PPP1R9A: variants seen among roughly 807,000 people sequenced by gnomAD.
PPP1R9A encodes protein phosphatase 1 regulatory subunit 9A, also known as neurabin-1.
Under a neutral mutation model 141.9 loss-of-function variants are expected in PPP1R9A, and 59 were observed. The observed-to-expected ratio is 0.42, with a 90% confidence interval of 0.34 to 0.52. The LOEUF (loss-of-function observed/expected upper bound fraction) is 0.52, where lower values mean the gene tolerates loss of function less well. Ranked by LOEUF, PPP1R9A falls within the 20% of genes least tolerant of loss-of-function variation. The pLI is 0.10. For synonymous variants in PPP1R9A, 500 were observed against 569.7 expected, an observed-to-expected ratio of 0.88 and a Z score of 1.74; for missense variants, 1,444 against 1,611.9, an observed-to-expected ratio of 0.90 and a Z score of 1.78.
At position 94,969,769 on chromosome 7, in the gene PPP1R9A, C is replaced by G. The variant is rs530818429; in HGVS notation, c.1395+58261C>G. Among the ~76,000 whole-genome samples the G allele has an allele frequency of 3.8e-4, 58 of 152,290 alleles. 1 individual carries two copies. In the South Asian group the frequency reaches 0.012, roughly 31 times the overall value. ...AGAGCCACCCTTTCCCCCAGGTGCTCTGTCCCAAGGAGATGGGAGTTTTAT... is the reference window on the plus strand; with the variant it reads ...AGAGCCACCCTTTCCCCCAGGTGCTGTGTCCCAAGGAGATGGGAGTTTTAT... On this transcript the variant is annotated intron_variant, in intron 2 of 19. Transcript: ENST00000433360.
chr7:95,250,249 A>C lies in PPP1R9A; in HGVS notation c.2390A>C (p.Gln797Pro). ...GCAAAGAAGTTGATCAAGGATTTTC[A>C]ACAAAAGTAAGCCGCTTCTAATAAC... ...NKAKKLIKDFQQKELDFIKRQ... is the reference protein window; with the variant it reads ...NKAKKLIKDFPQKELDFIKRQ... Residue 797 changes from glutamine to proline, a missense_variant, in exon 10 of 20, where the codon CAA (glutamine) becomes CCA (proline). Physicochemically the swap from Gln to Pro is moderately conservative, Grantham distance 76. This residue lies in a region of PPP1R9A where 488 missense variants were observed against 542.0 expected (regional missense o/e 0.90). Transcript: ENST00000433360. 6.2e-7 allele frequency: 1 copy of C among 1,603,880 alleles called. No homozygotes were observed. The highest frequency in any genetic ancestry group is 8.5e-7 in the Non-Finnish European group (1 of 1,176,858).
At chr7:95,214,382 C>T (rs1349372661) in intron 7 of PPP1R9A, 1 of 152,224 alleles carries the variant, frequency 6.6e-6, no homozygotes, top group Non-Finnish European at 1.5e-5. Context: ...GGCCTCAGGT[C>T]CTCACTGGCT....
chr7:95,185,399 T>C (rs1834503161), intron 5 of PPP1R9A, among the ~76,000 whole-genome samples: 1 of 151,770 alleles, frequency 6.6e-6, no homozygotes, highest in Non-Finnish European at 1.5e-5. Context: ...GTCTTACTGA[T>C]TGGCATTCTC....
intron 2 of PPP1R9A, among the ~76,000 whole-genome samples, chr7:95,097,184 C>T (rs1298219495): frequency 1.3e-5 from 2 of 152,112 alleles, no homozygotes; most frequent in Non-Finnish European, 2.9e-5. Flanking sequence ...CCACTACGCC[C>T]AGCTAATTTT....
chr7:95,002,250 ATATTATAGAT>A (rs1803038492), intron 2 of PPP1R9A, among the ~76,000 whole-genome samples: 1 of 152,192 alleles, frequency 6.6e-6, no homozygotes, highest in African/African-American at 2.4e-5. Context: ...AAAAATTGTA[ATATTATAGAT>A]TAGGATTTAT....
At chr7:95,213,377 T>C (rs888614199) in intron 7 of PPP1R9A, among the ~76,000 whole-genome samples, 2 of 147,120 alleles carry the variant, frequency 1.4e-5, no homozygotes, top group African/African-American at 2.5e-5. Flanking sequence ...CTACAGCACA[T>C]TGATGCAATC....
At chr7:94,930,787 G>A (rs1794062514) in intron 2 of PPP1R9A, among the ~76,000 whole-genome samples, 1 of 152,106 alleles carries the variant, frequency 6.6e-6, no homozygotes, top group Admixed American at 6.6e-5. Flanking sequence ...ATAGAGACTT[G>A]CATTTATTTC....
intron 4 of PPP1R9A, among the ~76,000 whole-genome samples, chr7:95,129,686 A>G (rs1223136028): frequency 6.6e-6 from 1 of 152,214 alleles, no homozygotes; most frequent in Non-Finnish European, 1.5e-5. Context: ...GCTTTGACCA[A>G]AATGCTGATA....
intron 4 of PPP1R9A, among the ~76,000 whole-genome samples, chr7:95,125,672 CGTT>C (rs1823434507): frequency 6.6e-6 from 1 of 152,136 alleles, no homozygotes; most frequent in Admixed American, 6.5e-5. Context: ...TTTGGACACA[CGTT>C]GTTTTTGGGT....
intron 2 of PPP1R9A, among the ~76,000 whole-genome samples, chr7:94,965,648 G>A (rs748502739): frequency 2.0e-5 from 3 of 152,092 alleles, no homozygotes; most frequent in Admixed American, 6.6e-5. Flanking sequence ...CATTATTTCC[G>A]AGGCCTCTGT....
chr7:95,030,864 C>T (rs1163852757), intron 2 of PPP1R9A, among the ~76,000 whole-genome samples: 1 of 152,182 alleles, frequency 6.6e-6, no homozygotes, highest in African/African-American at 2.4e-5. Context: ...ACCTATGTGG[C>T]ATAGGCACCA....
chr7:95,258,394 T>A (rs1157712190), intron 12 of PPP1R9A, among the ~76,000 whole-genome samples: 1 of 152,176 alleles, frequency 6.6e-6, no homozygotes, highest in African/African-American at 2.4e-5. Context: ...TTTGTTTGAG[T>A]TCATTGTAGA....
chr7:94,995,589 GTTAATC>G, intron 2 of PPP1R9A, among the ~76,000 whole-genome samples: 1 of 151,576 alleles, frequency 6.6e-6, no homozygotes, highest in South Asian at 2.1e-4. Flanking sequence ...GTACTCTACT[GTTAATC>G]TTATTCAGCA....
rs368512359 is a variant in PPP1R9A, at chr7:95,218,069, T to G, written c.1957-7892T>G. The stretch of plus-strand genomic sequence containing the variant: ...TTCTTTTAATTGTGATGTTAGGGTG[T>G]CAATTTTCTATCTTTCCTGCTTTCT... On this transcript the variant is annotated intron_variant, in intron 7 of 19. Coordinates refer to ENST00000433360, the MANE Select transcript of PPP1R9A (RefSeq NM_001166160.2). Among the ~76,000 whole-genome samples, 23 of 152,336 alleles carry G rather than the reference T, an allele frequency of 1.5e-4. No homozygotes were observed. The East Asian group carries it at 3.3e-3, about 22-fold the overall frequency.
chr7:95,051,931 C>T (rs899592999), intron 2 of PPP1R9A, among the ~76,000 whole-genome samples: 5 of 151,566 alleles, frequency 3.3e-5, no homozygotes, highest in African/African-American at 7.3e-5. Flanking sequence ...CCTCCTCCTC[C>T]AGGGTTCAAG....
chr7:94,999,975 G>A (rs929942399), intron 2 of PPP1R9A, among the ~76,000 whole-genome samples: 3 of 151,942 alleles, frequency 2.0e-5, no homozygotes, highest in Non-Finnish European at 4.4e-5. Context: ...CTAATTTTTT[G>A]TATTTTTAGT....
At chr7:94,999,821 A>ATT (rs3045824) in intron 2 of PPP1R9A, among the ~76,000 whole-genome samples, 8 of 151,086 alleles carry the variant, frequency 5.3e-5, no homozygotes, top group South Asian at 2.1e-4. Flanking sequence ...TTATTTATTT[A>ATT]GATAGAGTCT....
At chr7:95,228,539 T>TA (rs1475845989) in intron 8 of PPP1R9A, among the ~76,000 whole-genome samples, 1 of 152,200 alleles carries the variant, frequency 6.6e-6, no homozygotes, top group Non-Finnish European at 1.5e-5. Flanking sequence ...TATGGCTTCA[T>TA]AGTCTGCTCC....
chr7:94,911,614 C>T (rs1243300397), intron 2 of PPP1R9A, 106 bp downstream of exon 2: 5 of 852,744 alleles, frequency 5.9e-6, no homozygotes, highest in Non-Finnish European at 8.9e-6. Flanking sequence ...GTAAGGGATT[C>T]AAGATTGTTG....
Sources: allele counts gnomAD v4.1 joint callset (sites outside exome capture counted in the v4.1 genomes callset), GRCh38; gene constraint gnomAD v4.1.1; regional missense constraint gnomAD v4.1.1; transcripts MANE v1.5; gene names NCBI Gene and HGNC (gene_info 2026-07-23, HGNC 2026-07-21).